The following THAP5 variants were observed in gnomAD, a reference collection of about 807,000 sequenced individuals.
THAP5 encodes the protein THAP domain containing 5, also known as THAP domain-containing protein 5.
A neutral mutation model predicts 34.0 loss-of-function variants in THAP5; 26 were observed. That is an observed-to-expected ratio of 0.77 (90% confidence interval 0.56 to 1.06). THAP5 has a LOEUF of 1.06. Ranked by LOEUF, THAP5 falls within the 50% of genes least tolerant of loss-of-function variation. The pLI, the probability that THAP5 is intolerant of heterozygous loss-of-function variation, is 0.00. For synonymous variants in THAP5, 125 were observed against 153.0 expected, an observed-to-expected ratio of 0.82 and a Z score of 1.35; for missense variants, 394 against 452.8, an observed-to-expected ratio of 0.87 and a Z score of 1.18.
At chr7:108,549,154 G>A in the THAP5 span, among the ~76,000 whole-genome samples, 22 of 126,544 alleles carry the variant, frequency 1.7e-4, no homozygotes, top group Admixed American at 7.4e-4. Context: ...TTTGAGTCTC[G>A]CTTTGTCACC....
At chr7:108,553,191 C>A (rs201298506), downstream of THAP5, among the ~76,000 whole-genome samples, 4 of 152,152 alleles carry the variant, frequency 2.6e-5, no homozygotes, top group East Asian at 7.7e-4. Flanking sequence ...TCAGTTGAGG[C>A]CCTCGATGCT....
chr7:108,554,609 G>T (rs963849888), exon 2 of THAP5: 7 of 152,164 alleles, frequency 4.6e-5, no homozygotes, highest in African/African-American at 1.7e-4. Context: ...AGAGAGGAAA[G>T]AAATGACTAT....
downstream of THAP5, among the ~76,000 whole-genome samples, chr7:108,559,613 G>A (rs914144295): frequency 1.3e-5 from 2 of 152,154 alleles, no homozygotes; most frequent in African/African-American, 2.4e-5. Context: ...TTCTTACACT[G>A]CTATAAACAA....
At chr7:108,554,239 A>C (rs1268266358), downstream of THAP5, among the ~76,000 whole-genome samples, 1 of 152,264 alleles carries the variant, frequency 6.6e-6, no homozygotes, top group Non-Finnish European at 1.5e-5. Flanking sequence ...TTGTTACAGC[A>C]GCATAAATTG....
downstream of THAP5, among the ~76,000 whole-genome samples, chr7:108,554,293 G>A (rs1384475310): frequency 6.6e-6 from 1 of 152,156 alleles, no homozygotes; most frequent in Non-Finnish European, 1.5e-5. Context: ...ATCTTTATAT[G>A]CTTTTCTCTT....
At chr7:108,565,749 C>T in intron 2 of THAP5, 81 bp downstream of exon 2, 1 of 1,132,732 alleles carries the variant, frequency 8.8e-7, no homozygotes, top group African/African-American at 1.6e-5. Context: ...TTATAGTTCC[C>T]TCTTACTCTC....
chr7:108,561,883 A>C (rs962868161), downstream of THAP5, among the ~76,000 whole-genome samples: 3 of 152,232 alleles, frequency 2.0e-5, no homozygotes, highest in African/African-American at 7.2e-5. Flanking sequence ...ACAATAGGCA[A>C]CAGAGCAATG....
At chr7:108,545,692 G>C in the THAP5 span, among the ~76,000 whole-genome samples, 1 of 152,122 alleles carries the variant, frequency 6.6e-6, no homozygotes, top group Non-Finnish European at 1.5e-5. Flanking sequence ...GTGGCTGATA[G>C]ATCACCTTTT....
In THAP5 at chr7:108,569,607, G is replaced by A. The variant is rs952565238; in HGVS notation, c.-38C>T. 20 of 1,548,700 alleles carry A rather than the reference G, an allele frequency of 1.3e-5. No homozygotes were observed. In the African/African-American group the frequency reaches 2.1e-4, roughly 16 times the overall value. On this transcript the variant is annotated 5_prime_UTR_variant, in exon 1 of 3. Transcript: ENST00000415914. ...GCCCCTGGAGACCGGGGCCGGCGAC[G>A]GATGCAGGGCGGCCCTCCTCACTGA...
downstream of THAP5, among the ~76,000 whole-genome samples, chr7:108,558,381 G>GTATATATATATATATATATATA (rs66806128): frequency 4.6e-4 from 43 of 93,800 alleles, no homozygotes; most frequent in African/African-American, 1.2e-3. Context: ...GTGTGTGTAT[G>GTATATATATATATATATATATA]TATATATATA....
the THAP5 span, among the ~76,000 whole-genome samples, chr7:108,542,872 TTGG>T: frequency 6.6e-6 from 1 of 152,188 alleles, no homozygotes; most frequent in Non-Finnish European, 1.5e-5. Context: ...ATCTGGTGCC[TTGG>T]TGGGAATGGC....
rs2233130 is a variant in THAP5, at chr7:108,569,308, G to T, written c.80+182C>A. On this transcript the variant is annotated intron_variant, in intron 1 of 2. Transcript: ENST00000415914. ...CTCGCCACCAGCCAGCAGTCCTCGC[G>T]CAAGAAGGGCATTGCTAGCTAAACT... 33 of 1,446,700 alleles carry T rather than the reference G, an allele frequency of 2.3e-5. No individual in the cohort carries two copies. In the East Asian group the frequency reaches 7.5e-4, roughly 33 times the overall value. The allele number at this position is 1,446,700 out of a possible 1,614,324, so 89.6% of individuals were successfully genotyped here. A position where few individuals can be genotyped will look rare whatever the true frequency, so the allele number is the denominator to read the frequency against.
downstream of THAP5, among the ~76,000 whole-genome samples, chr7:108,559,618 A>T (rs1864412252): frequency 6.6e-6 from 1 of 152,198 alleles, no homozygotes; most frequent in African/African-American, 2.4e-5. Context: ...ACACTGCTAT[A>T]AACAAATACC....
downstream of THAP5, among the ~76,000 whole-genome samples, chr7:108,554,351 A>G (rs977357358): frequency 1.3e-5 from 2 of 152,122 alleles, no homozygotes; most frequent in Admixed American, 1.3e-4. Flanking sequence ...GAAAGTCTTC[A>G]TTGATTAGAG....
At chr7:108,565,805 T>C (rs1243195182) in intron 2 of THAP5, 25 bp downstream of exon 2, 29 of 1,513,172 alleles carry the variant, frequency 1.9e-5, no homozygotes, top group Non-Finnish European at 2.4e-5. Context: ...CTGCTCAGCA[T>C]TACCCCTCTC....
chr7:108,547,882 T>C, the THAP5 span, among the ~76,000 whole-genome samples: 2 of 152,254 alleles, frequency 1.3e-5, no homozygotes, highest in Admixed American at 6.5e-5. Flanking sequence ...TAAGCTATTA[T>C]TGCCCTGAGC....
rs1864440740 is a variant in THAP5 at position 108,562,170 on chromosome 7, G to C, written c.*2021C>G. On this transcript the variant is annotated 3_prime_UTR_variant, in exon 3 of 3. Transcript: ENST00000415914. ...ATAATTTATTAAAGAAATAAAGCTA[G>C]TTTAAATTTTTTCTGAGGAACCTGT... is the stretch of plus-strand genomic sequence containing the variant. 2.0e-5 allele frequency: 3 copies of C among 152,096 alleles called. No individual in the cohort carries two copies. The highest frequency in any genetic ancestry group is 7.2e-5 in the African/African-American group (3 of 41,412). 9.4% of individuals were successfully genotyped at this position (152,096 alleles called of 1,614,324 possible).
exon 2 of THAP5, chr7:108,554,793 A>T (rs1864374938): frequency 1.3e-5 from 2 of 152,228 alleles, no homozygotes; most frequent in Non-Finnish European, 2.9e-5. Context: ...CTTATTCTTC[A>T]CTACTGTAGT....
Position 108,565,048 on chromosome 7 carries a change from C to T in THAP5, c.331G>A (p.Val111Ile), listed in dbSNP as rs1274409798. The T allele has an allele frequency of 6.5e-7, 1 of 1,536,658 alleles. No homozygotes were observed. Among genetic ancestry groups the T allele is most frequent in the Non-Finnish European group, 8.8e-7 (1 of 1,141,436 alleles). Reference protein sequence around the residue: ...QKKNLEDEKEVCPKAKSEESF... With the variant: ...QKKNLEDEKEICPKAKSEESF... ...TCTTCTGACTTGGCTTTTGGGCATA[C>T]TTCTTTCTCATCTTCCAAGTTTTTC... The change falls in exon 3 of 3, where the codon GTA becomes ATA. Residue 111 changes from valine to isoleucine, a missense_variant. Val to Ile is a conservative substitution (Grantham distance 29). Coordinates refer to ENST00000415914, the MANE Select transcript of THAP5 (RefSeq NM_001130475.3).
Sources: gnomAD v4.1 joint callset for allele counts (sites outside exome capture counted in the v4.1 genomes callset) on GRCh38, gnomAD v4.1.1 for gene constraint, MANE v1.5 for transcripts, NCBI Gene and HGNC (gene_info 2026-07-23, HGNC 2026-07-21) for gene names.